The following ZC3H12B variants were observed in gnomAD, a reference collection of about 807,000 sequenced individuals.
The protein encoded by ZC3H12B is probable ribonuclease ZC3H12B.
A neutral mutation model predicts 43.9 loss-of-function variants in ZC3H12B; 7 were observed. The ratio of observed to expected loss-of-function variants is 0.16; its 90% CI spans 0.09 to 0.30. The LOEUF is 0.30. Ranked by LOEUF, ZC3H12B falls within the 10% of genes least tolerant of loss-of-function variation. The pLI, the probability that ZC3H12B is intolerant of heterozygous loss-of-function variation, is 1.00. For synonymous variants in ZC3H12B, 222 were observed against 241.7 expected (o/e 0.92, Z 0.76); for missense variants, 475 against 670.2 (o/e 0.71, Z 3.22).
the ZC3H12B span, among the ~76,000 whole-genome samples, chrX:65,149,439 A>G: frequency 2.7e-5 from 3 of 111,909 alleles, no homozygotes; most frequent in Non-Finnish European, 5.6e-5. Flanking sequence ...ATAGTTATTT[A>G]ACATTCCTTT....
chrX:65,383,839 G>T (rs1252596356), intron 2 of ZC3H12B, among the ~76,000 whole-genome samples: 1 of 110,177 alleles, frequency 9.1e-6, no homozygotes, highest in Non-Finnish European at 1.9e-5. Context: ...ACACCAGTTA[G>T]AATGGCAATC....
chrX:65,183,513 C>G, the ZC3H12B span, among the ~76,000 whole-genome samples: 1 of 111,322 alleles, frequency 9.0e-6, no homozygotes, highest in African/African-American at 3.3e-5. Flanking sequence ...AATTTACCTA[C>G]ATAACAAACC....
At chrX:65,241,892 TG>T in the ZC3H12B span, among the ~76,000 whole-genome samples, 21 of 111,569 alleles carry the variant, frequency 1.9e-4, no homozygotes, top group Admixed American at 5.7e-4. Flanking sequence ...CTGGCATTCC[TG>T]AAGCTAGAGT....
intron 3 of ZC3H12B, chrX:65,408,033 A>G (rs2066856856): frequency 8.8e-7 from 1 of 1,132,118 alleles, no homozygotes; most frequent in Non-Finnish European, 1.2e-6. Context: ...TTGGAAATTG[A>G]CCGGAGAATT....
At chrX:65,041,573 A>T in the ZC3H12B span, among the ~76,000 whole-genome samples, 3 of 112,222 alleles carry the variant, frequency 2.7e-5, no homozygotes, top group African/African-American at 9.7e-5. Context: ...GTTATGGTAA[A>T]CTGCTTTCAG....
At chrX:65,138,388 C>T in the ZC3H12B span, among the ~76,000 whole-genome samples, 2 of 111,236 alleles carry the variant, frequency 1.8e-5, no homozygotes, top group African/African-American at 6.5e-5. Flanking sequence ...CAGGTTCATT[C>T]GTATTGCCAC....
the ZC3H12B span, among the ~76,000 whole-genome samples, chrX:65,300,507 G>C: frequency 9.0e-6 from 1 of 111,240 alleles, no homozygotes; most frequent in East Asian, 2.8e-4. Context: ...GCTAAAGCAA[G>C]CCCGGCCCAA....
chrX:65,155,130 G>A, the ZC3H12B span, among the ~76,000 whole-genome samples: 2 of 109,924 alleles, frequency 1.8e-5, no homozygotes, highest in East Asian at 2.9e-4. Flanking sequence ...CCACTTTTTT[G>A]TATTTTTTAT....
At chrX:65,105,209 C>T in the ZC3H12B span, among the ~76,000 whole-genome samples, 1 of 109,526 alleles carries the variant, frequency 9.1e-6, no homozygotes, top group Non-Finnish European at 1.9e-5. Flanking sequence ...ACAATGAGAA[C>T]ACATGGACAC....
intron 3 of ZC3H12B, among the ~76,000 whole-genome samples, chrX:65,402,549 C>T (rs984892290): frequency 1.8e-5 from 2 of 111,953 alleles, no homozygotes; most frequent in Non-Finnish European, 3.8e-5. Flanking sequence ...TGACCCAGCA[C>T]GGTCCTAGTC....
intron 1 of ZC3H12B, among the ~76,000 whole-genome samples, chrX:65,491,632 G>A (rs765492205): frequency 1.7e-3 from 178 of 107,009 alleles, no homozygotes; most frequent in Non-Finnish European, 2.3e-3. Flanking sequence ...TCTTGAGCTC[G>A]GGAGGTCAAG....
chrX:65,043,971 T>C, the ZC3H12B span, among the ~76,000 whole-genome samples: 2 of 111,835 alleles, frequency 1.8e-5, no homozygotes, highest in Non-Finnish European at 3.8e-5. Context: ...CACAGCCCTG[T>C]TTTAGGCACT....
the ZC3H12B span, among the ~76,000 whole-genome samples, chrX:65,123,103 C>G: frequency 2.0e-4 from 23 of 112,201 alleles, no homozygotes; most frequent in South Asian, 8.5e-3. Context: ...TACATCCCAT[C>G]AATGCCTAGT....
At chrX:65,169,861 G>GC in the ZC3H12B span, among the ~76,000 whole-genome samples, 1 of 111,506 alleles carries the variant, frequency 9.0e-6, no homozygotes, top group South Asian at 3.7e-4. Context: ...TGCAATCTCT[G>GC]CTTTTTTTGT....
At chrX:65,129,263 A>G in the ZC3H12B span, among the ~76,000 whole-genome samples, 1 of 106,162 alleles carries the variant, frequency 9.4e-6, no homozygotes, top group Admixed American at 1.0e-4. Context: ...ATATGTATAT[A>G]TATATATATA....
At chrX:65,086,230 T>G in the ZC3H12B span, among the ~76,000 whole-genome samples, 1 of 111,583 alleles carries the variant, frequency 9.0e-6, no homozygotes, top group African/African-American at 3.3e-5. Flanking sequence ...CTATAAATAT[T>G]AAAAACCATG....
the ZC3H12B span, among the ~76,000 whole-genome samples, chrX:65,220,349 A>G: frequency 4.5e-5 from 5 of 111,894 alleles, no homozygotes; most frequent in African/African-American, 1.6e-4. Context: ...ATAAGACCTC[A>G]CATCTCAATA....
the ZC3H12B span, among the ~76,000 whole-genome samples, chrX:65,105,478 G>A: frequency 9.0e-6 from 1 of 111,315 alleles, no homozygotes; most frequent in Non-Finnish European, 1.9e-5. Context: ...CTTAGTGCTG[G>A]GATAGAGTGC....
intron 3 of ZC3H12B, among the ~76,000 whole-genome samples, chrX:65,416,138 A>G (rs193112492): frequency 7.6e-4 from 85 of 112,204 alleles, no homozygotes; most frequent in East Asian, 6.4e-3. Flanking sequence ...TCTATTATAT[A>G]AGATACGATC....
Sources: gnomAD v4.1 joint callset for allele counts (sites outside exome capture counted in the v4.1 genomes callset) on GRCh38, gnomAD v4.1.1 for gene constraint, MANE v1.5 for transcripts, NCBI Gene and HGNC (gene_info 2026-07-23, HGNC 2026-07-21) for gene names.